CRYBA4: variants seen among roughly 807,000 people sequenced by gnomAD.
The protein encoded by CRYBA4 is crystallin beta A4, also known as beta-crystallin A4.
CRYBA4 carries 30 observed loss-of-function variants against 31.7 expected under a neutral mutation model. That is an observed-to-expected ratio of 0.95 (90% CI 0.71 to 1.28). CRYBA4 has a LOEUF of 1.28. Ranked by LOEUF, CRYBA4 falls within the 50% of genes most tolerant of loss-of-function variation. The pLI is 0.00. For missense variants in CRYBA4, 225 were observed against 260.7 expected (o/e 0.86, Z 0.94); for synonymous variants, 102 against 102.3 (o/e 1.00, Z 0.02).
At chr22:26,594,978 T>G in the CRYBA4 span, among the ~76,000 whole-genome samples, 1 of 152,222 alleles carries the variant, frequency 6.6e-6, no homozygotes, top group Non-Finnish European at 1.5e-5. Flanking sequence ...ATGCTCATGT[T>G]TTGAGAGATA....
At chr22:26,596,996 A>G in the CRYBA4 span, among the ~76,000 whole-genome samples, 1 of 152,178 alleles carries the variant, frequency 6.6e-6, no homozygotes, top group African/African-American at 2.4e-5. Context: ...CTGTCCAGGA[A>G]TCCTGGTCCG....
chr22:26,628,314 C>G lies in CRYBA4; in HGVS notation c.327C>G (p.Ile109Met), dbSNP rs1275103794. The change falls in exon 5 of 6, where the codon ATC (isoleucine) becomes ATG (methionine). Residue 109 changes from isoleucine to methionine, a missense_variant. Ile to Met is a conservative substitution (Grantham distance 10, BLOSUM62 1). Transcript: ENST00000354760. ...CANHRDSRLT[I>M]FEQENFLGKK... Reference sequence around the variant, plus strand: ...ACCACCGTGACTCGAGGCTGACAATCTTCGAGCAAGAGAACTTCCTGGGCA... The same window carrying G: ...ACCACCGTGACTCGAGGCTGACAATGTTCGAGCAAGAGAACTTCCTGGGCA... 6.2e-7 allele frequency: 1 copy of G among 1,613,942 alleles called. No individual in the cohort carries two copies. The highest frequency in any genetic ancestry group is 1.3e-5 in the African/African-American group (1 of 74,888).
chr22:26,609,823 T>C, the CRYBA4 span, among the ~76,000 whole-genome samples: 1 of 152,138 alleles, frequency 6.6e-6, no homozygotes, highest in Admixed American at 6.5e-5. Flanking sequence ...CTGCATGCAT[T>C]TGGGCAGCAC....
the CRYBA4 span, among the ~76,000 whole-genome samples, chr22:26,609,817 A>G: frequency 6.6e-6 from 1 of 152,234 alleles, no homozygotes; most frequent in Non-Finnish European, 1.5e-5. Context: ...CATTTGCTGC[A>G]TGCATTTGGG....
chr22:26,591,084 A>G, the CRYBA4 span, among the ~76,000 whole-genome samples: 1 of 152,170 alleles, frequency 6.6e-6, no homozygotes, highest in Middle Eastern at 3.2e-3. Context: ...TTTAAAATAA[A>G]TTTCTGGGTC....
At chr22:26,617,864 A>G (rs1382628197), upstream of CRYBA4, 2 of 152,016 alleles carry the variant, frequency 1.3e-5, no homozygotes, top group Non-Finnish European at 2.9e-5. Context: ...CTTTATCTCC[A>G]TGGCCCTGCT....
At chr22:26,607,957 G>A in the CRYBA4 span, 1 of 1,614,214 alleles carries the variant, frequency 6.2e-7, no homozygotes, top group South Asian at 1.1e-5. Context: ...TTCCAGCGAG[G>A]GTACTCGCCC....
upstream of CRYBA4, among the ~76,000 whole-genome samples, chr22:26,619,972 G>T (rs866559738): frequency 1.3e-5 from 2 of 151,070 alleles, no homozygotes; most frequent in Admixed American, 6.6e-5. Context: ...GTCTTATGGA[G>T]CCAATTTATT....
chr22:26,594,848 A>G, the CRYBA4 span, among the ~76,000 whole-genome samples: 1 of 152,212 alleles, frequency 6.6e-6, no homozygotes, highest in African/African-American at 2.4e-5. Context: ...CGTCAATATT[A>G]AACTTGGACT....
At chr22:26,616,134 C>T in the CRYBA4 span, 1 of 1,613,574 alleles carries the variant, frequency 6.2e-7, no homozygotes, top group African/African-American at 1.3e-5. Context: ...ACCCCCAGGT[C>T]CTTACCCTGT....
chr22:26,597,554 C>T, the CRYBA4 span, among the ~76,000 whole-genome samples: 3 of 152,288 alleles, frequency 2.0e-5, no homozygotes, highest in Admixed American at 2.0e-4. Context: ...CAAGCAAGCT[C>T]CTGCTCCATC....
chr22:26,620,056 G>T, upstream of CRYBA4, among the ~76,000 whole-genome samples: 1 of 141,098 alleles, frequency 7.1e-6, no homozygotes, highest in African/African-American at 2.6e-5. Flanking sequence ...TGAAGTCTCT[G>T]GGATTAACCC....
At chr22:26,618,874 A>T (rs1281079803), upstream of CRYBA4, among the ~76,000 whole-genome samples, 2 of 151,844 alleles carry the variant, frequency 1.3e-5, no homozygotes, top group Admixed American at 1.3e-4. Flanking sequence ...TCCTTTCCTG[A>T]CCTATCGACA....
chr22:26,602,024 G>A, the CRYBA4 span: 1 of 1,613,558 alleles, frequency 6.2e-7, no homozygotes, highest in South Asian at 1.1e-5. Flanking sequence ...TGGGCATCCT[G>A]GGGAAAGAGA....
the CRYBA4 span, among the ~76,000 whole-genome samples, chr22:26,608,962 T>G: frequency 6.6e-6 from 1 of 152,284 alleles, no homozygotes; most frequent in East Asian, 1.9e-4. Context: ...TGAAGATTGA[T>G]TAAGGACAAG....
the CRYBA4 span, chr22:26,612,089 G>A: frequency 1.4e-4 from 226 of 1,613,138 alleles, no homozygotes; most frequent in Non-Finnish European, 1.7e-4. Context: ...CGGAGACAAT[G>A]ATGCTGCGCA....
intron 4 of CRYBA4, among the ~76,000 whole-genome samples, chr22:26,627,427 T>TCTTTCC (rs71192948): frequency 2.7e-5 from 2 of 74,062 alleles, no homozygotes; most frequent in African/African-American, 1.9e-4. Context: ...TTTCTTTCTT[T>TCTTTCC]TTCTTTCTTT....
At chr22:26,597,071 G>A in the CRYBA4 span, among the ~76,000 whole-genome samples, 1 of 152,178 alleles carries the variant, frequency 6.6e-6, no homozygotes, top group Non-Finnish European at 1.5e-5. Flanking sequence ...GAATGAAAGT[G>A]AGATGAGGGA....
chr22:26,613,805 A>G, the CRYBA4 span, among the ~76,000 whole-genome samples: 1 of 152,238 alleles, frequency 6.6e-6, no homozygotes, highest in African/African-American at 2.4e-5. Flanking sequence ...TCTGACCGCC[A>G]GTGAGCCGGG....
Sources: gnomAD v4.1 joint callset for allele counts (sites outside exome capture counted in the v4.1 genomes callset) on GRCh38, gnomAD v4.1.1 for gene constraint, MANE v1.5 for transcripts, NCBI Gene and HGNC (gene_info 2026-07-23, HGNC 2026-07-21) for gene names.